Variants in TSPEAR observed in about 807,000 individuals in gnomAD.
TSPEAR encodes thrombospondin-type laminin G domain and EAR repeat-containing protein.
A neutral mutation model predicts 71.6 loss-of-function variants in TSPEAR; 69 were observed. The ratio of observed to expected loss-of-function variants is 0.96; its 90% confidence interval spans 0.79 to 1.18. TSPEAR has a LOEUF of 1.18. Among genes scored for constraint, TSPEAR ranks in the 50% most tolerant of loss-of-function variants. TSPEAR has a pLI of 0.00. For synonymous variants in TSPEAR, 402 were observed against 387.2 expected (o/e 1.04, Z -0.45); for missense variants, 971 against 894.9 (o/e 1.09, Z -1.09).
chr21:44,524,967 GCAGT>G (rs60191742), intron 8 of TSPEAR, among the ~76,000 whole-genome samples: 2,268 of 150,360 alleles, frequency 0.015, 34 homozygotes, highest in Non-Finnish European at 0.02. Flanking sequence ...ACTCTTTGAG[GCAGT>G]CAGTCAGTCA....
chr21:44,530,435 C>T (rs1210743404), intron 4 of TSPEAR, among the ~76,000 whole-genome samples: 1 of 149,738 alleles, frequency 6.7e-6, no homozygotes, highest in Non-Finnish European at 1.5e-5. Flanking sequence ...ATTCATCTTT[C>T]TCTCCATCTG....
intron 1 of TSPEAR, chr21:44,702,783 C>G: frequency 7.8e-7 from 1 of 1,286,372 alleles, no homozygotes; most frequent in Non-Finnish European, 1.1e-6. Context: ...TCTGCTCAGG[C>G]CAGAAGCCCA....
intron 1 of TSPEAR, among the ~76,000 whole-genome samples, chr21:44,591,115 A>G (rs2146121927): frequency 6.6e-6 from 1 of 151,696 alleles, no homozygotes; most frequent in Admixed American, 6.5e-5. Context: ...TTGGTGTGAG[A>G]CAGAGGCGGC....
chr21:44,627,935 C>T, intron 1 of TSPEAR: 1 of 1,518,840 alleles, frequency 6.6e-7, no homozygotes, highest in Non-Finnish European at 9.0e-7. Context: ...GCCCCCACCT[C>T]CTCCCGCCAG....
At chr21:44,555,613 T>C (rs1555919657) in intron 2 of TSPEAR, among the ~76,000 whole-genome samples, 1 of 152,098 alleles carries the variant, frequency 6.6e-6, no homozygotes, top group Admixed American at 6.5e-5. Context: ...AGCCCTAGTG[T>C]GAGAAGTCCC....
intron 9 of TSPEAR, among the ~76,000 whole-genome samples, chr21:44,514,652 G>A (rs1027859756): frequency 2.0e-5 from 3 of 152,188 alleles, no homozygotes; most frequent in Non-Finnish European, 4.4e-5. Flanking sequence ...CCTACTCCTC[G>A]TCAGCTCAGG....
At chr21:44,643,378 ACAC>A (rs1555938903) in intron 1 of TSPEAR, among the ~76,000 whole-genome samples, 1 of 152,178 alleles carries the variant, frequency 6.6e-6, no homozygotes, top group Non-Finnish European at 1.5e-5. Context: ...CAACATAGTA[ACAC>A]CGAAATCTGC....
At chr21:44,564,522 T>A (rs1309157171) in intron 2 of TSPEAR, among the ~76,000 whole-genome samples, 1 of 152,168 alleles carries the variant, frequency 6.6e-6, no homozygotes, top group Non-Finnish European at 1.5e-5. Flanking sequence ...AAACAAAAAT[T>A]GTTACTAGAG....
At chr21:44,577,683 G>A (rs28701053) in intron 1 of TSPEAR, among the ~76,000 whole-genome samples, 1,767 of 152,294 alleles carry the variant, frequency 0.012, 35 homozygotes, top group African/African-American at 0.04. Flanking sequence ...GAGATTTGGA[G>A]GGGACACATA....
chr21:44,652,950 A>G (rs1555941753), intron 1 of TSPEAR, among the ~76,000 whole-genome samples: 1 of 152,060 alleles, frequency 6.6e-6, no homozygotes, highest in Non-Finnish European at 1.5e-5. Flanking sequence ...AGGTCAGGAG[A>G]TCAAAACCAT....
intron 11 of TSPEAR, among the ~76,000 whole-genome samples, chr21:44,503,317 G>A (rs1270891179): frequency 1.5e-4 from 19 of 131,022 alleles, no homozygotes; most frequent in African/African-American, 2.6e-4. Flanking sequence ...TCTGGGAGGA[G>A]GCCGGCCTTG....
chr21:44,542,516 G>T (rs1290081818), intron 2 of TSPEAR, among the ~76,000 whole-genome samples: 3 of 152,144 alleles, frequency 2.0e-5, no homozygotes, highest in Middle Eastern at 3.2e-3. Flanking sequence ...GGGAGGCCAA[G>T]GTGGTCAAAC....
At chr21:44,702,216 T>A in intron 1 of TSPEAR, 3 of 1,587,668 alleles carry the variant, frequency 1.9e-6, no homozygotes, top group South Asian at 1.1e-5. Context: ...CAAAGGGGCC[T>A]CCCTGAGCCA....
chr21:44,591,487 C>T, intron 1 of TSPEAR: 1 of 1,614,048 alleles, frequency 6.2e-7, no homozygotes, highest in Non-Finnish European at 8.5e-7. Flanking sequence ...GCGGCAGCAG[C>T]TGGGCTGGCA....
In TSPEAR at chr21:44,509,267, G is replaced by C; in HGVS notation, c.1686C>G (p.Asn562Lys). ...TCACGTTCAGCTCGTAGATGACGGA[G>C]TTGATGACATAGGAATCATTCTGGA... ...MQVQNDSYVINSVIYELNVTA... is the reference protein window; with the variant it reads ...MQVQNDSYVIKSVIYELNVTA... Residue 562 changes from asparagine to lysine, a missense_variant, in exon 10 of 12, where the codon AAC (asparagine) becomes AAG (lysine). Physicochemically the swap from Asn to Lys is moderately conservative, Grantham distance 94. Transcript: ENST00000323084. The C allele has an allele frequency of 6.2e-7, 1 of 1,614,114 alleles. No homozygotes were observed. Among genetic ancestry groups the C allele is most frequent in the East Asian group, 2.2e-5 (1 of 44,864 alleles).
intron 1 of TSPEAR, among the ~76,000 whole-genome samples, chr21:44,693,321 G>A (rs149723754): frequency 1.4e-3 from 211 of 152,152 alleles, no homozygotes; most frequent in African/African-American, 4.7e-3. Flanking sequence ...TAGATATTAC[G>A]CAAGAAGCAC....
intron 10 of TSPEAR, chr21:44,508,058 G>A (rs1555912141): frequency 6.6e-6 from 1 of 152,210 alleles, no homozygotes; most frequent in East Asian, 1.9e-4. Flanking sequence ...GAAGTAACAG[G>A]GCAAATAGGG....
At chr21:44,528,910 C>T (rs782211042) in intron 5 of TSPEAR, among the ~76,000 whole-genome samples, 1 of 152,224 alleles carries the variant, frequency 6.6e-6, no homozygotes, top group Non-Finnish European at 1.5e-5. Flanking sequence ...GGCATGGTCC[C>T]CCCTCAGGAG....
rs587687139 is a variant in TSPEAR, at chr21:44,589,931, C to T, written c.83-21926G>A. 3.3e-5 allele frequency among the ~76,000 whole-genome samples: 5 copies of T among 152,360 alleles called. No homozygotes were observed. In the South Asian group the frequency reaches 8.3e-4, roughly 25 times the overall value. On this transcript the variant is annotated intron_variant, in intron 1 of 11. Coordinates refer to ENST00000323084, the MANE Select transcript of TSPEAR (RefSeq NM_144991.3). ...CTGCCAGCTACCCGGAGAACCAGGG[C>T]AGGAAGAAAACATCTCTGCCCCTGG...
Sources: gnomAD v4.1 joint callset for allele counts (sites outside exome capture counted in the v4.1 genomes callset) on GRCh38, gnomAD v4.1.1 for gene constraint, MANE v1.5 for transcripts, NCBI Gene and HGNC (gene_info 2026-07-23, HGNC 2026-07-21) for gene names.